NAV2: variants seen among roughly 807,000 people sequenced by gnomAD.
The protein encoded by NAV2 is helicase, APC down-regulated 1.
Under a neutral mutation model 223.2 loss-of-function variants are expected in NAV2, and 54 were observed. The observed-to-expected ratio is 0.24, with a 90% CI of 0.19 to 0.30. NAV2 has a LOEUF of 0.30. NAV2 is among the 10% of genes least tolerant of loss of function. The pLI is 1.00. For missense variants in NAV2, 2,806 were observed against 3,147.5 expected (o/e 0.89, Z 2.60); for synonymous variants, 1,279 against 1,239.3 (o/e 1.03, Z -0.67).
chr11:19,915,372 A>G (rs1175298489), intron 6 of NAV2, among the ~76,000 whole-genome samples: 2 of 151,606 alleles, frequency 1.3e-5, no homozygotes, highest in East Asian at 3.9e-4. Context: ...CCGAATCACC[A>G]TTTCTCCTCT....
At chr11:19,454,887 G>T (rs1438576556) in intron 1 of NAV2, among the ~76,000 whole-genome samples, 1 of 152,206 alleles carries the variant, frequency 6.6e-6, no homozygotes, top group East Asian at 1.9e-4. Context: ...TGTGTCTTCA[G>T]GGAGCAAAAA....
At chr11:19,455,686 T>C (rs1851935297) in intron 1 of NAV2, among the ~76,000 whole-genome samples, 1 of 152,198 alleles carries the variant, frequency 6.6e-6, no homozygotes, top group Non-Finnish European at 1.5e-5. Context: ...ATCCCAGAGC[T>C]AGGAAGTGGA....
At chr11:19,812,136 C>T (rs376437578) in intron 1 of NAV2, among the ~76,000 whole-genome samples, 1 of 150,226 alleles carries the variant, frequency 6.7e-6, no homozygotes, top group African/African-American at 2.4e-5. Flanking sequence ...ACAAATTGCA[C>T]GGCTAAGCTG....
At chr11:19,555,219 A>T (rs2044839454) in intron 1 of NAV2, among the ~76,000 whole-genome samples, 1 of 152,192 alleles carries the variant, frequency 6.6e-6, no homozygotes, top group South Asian at 2.1e-4. Context: ...GCAGAGGGAG[A>T]GGTGGAACCA....
chr11:19,409,171 T>G (rs116403620), intron 1 of NAV2, among the ~76,000 whole-genome samples: 131 of 152,256 alleles, frequency 8.6e-4, no homozygotes, highest in African/African-American at 2.9e-3. Flanking sequence ...AGCCAAGCCT[T>G]TGGGAAACTA....
At chr11:19,547,857 T>C (rs2044554324) in intron 1 of NAV2, among the ~76,000 whole-genome samples, 1 of 152,200 alleles carries the variant, frequency 6.6e-6, no homozygotes, top group African/African-American at 2.4e-5. Flanking sequence ...TGTTTCTGGG[T>C]TCCAATTCCA....
chr11:19,981,307 C>T (rs1408033185), intron 10 of NAV2: 1 of 152,136 alleles, frequency 6.6e-6, no homozygotes, highest in Non-Finnish European at 1.5e-5. Flanking sequence ...TTTTCTGATA[C>T]ATCCACGTTG....
intron 1 of NAV2, among the ~76,000 whole-genome samples, chr11:19,528,894 C>A (rs1364257861): frequency 7.3e-6 from 1 of 137,234 alleles, no homozygotes; most frequent in Non-Finnish European, 1.5e-5. Context: ...CATGCCACTG[C>A]ACTCCAGCCC....
At chr11:19,455,872 A>C (rs1413401133) in intron 1 of NAV2, among the ~76,000 whole-genome samples, 2 of 152,184 alleles carry the variant, frequency 1.3e-5, no homozygotes, top group African/African-American at 2.4e-5. Flanking sequence ...ACTGCATCAA[A>C]AGGCTGTGGA....
At chr11:20,085,440 ATGCTG>A (rs1335875252) in intron 26 of NAV2, among the ~76,000 whole-genome samples, 1 of 152,198 alleles carries the variant, frequency 6.6e-6, no homozygotes, top group East Asian at 1.9e-4. Flanking sequence ...CTAAGGGCTA[ATGCTG>A]TGAATTAAAA....
chr11:19,550,124 C>T (rs920131773), intron 1 of NAV2, among the ~76,000 whole-genome samples: 9 of 152,120 alleles, frequency 5.9e-5, no homozygotes, highest in Non-Finnish European at 1.3e-4. Flanking sequence ...TGTTCTAATA[C>T]CCGGAGGCAG....
intron 1 of NAV2, among the ~76,000 whole-genome samples, chr11:19,678,812 C>T (rs2048794335): frequency 6.6e-6 from 1 of 152,166 alleles, no homozygotes; most frequent in Non-Finnish European, 1.5e-5. Context: ...AACAGAGAAG[C>T]AGATCTTATT....
At chr11:19,831,228 G>GA (rs1343393170) in intron 1 of NAV2, among the ~76,000 whole-genome samples, 1 of 111,016 alleles carries the variant, frequency 9.0e-6, no homozygotes, top group East Asian at 2.6e-4. Flanking sequence ...TGTTGCGGGG[G>GA]GGGGGGGGGC....
At chr11:19,991,653 A>G (rs1017064989) in intron 11 of NAV2, among the ~76,000 whole-genome samples, 1 of 152,234 alleles carries the variant, frequency 6.6e-6, no homozygotes, top group Non-Finnish European at 1.5e-5. Flanking sequence ...TGATGTGCAA[A>G]AAAAGGTAAA....
At position 19,573,821 on chromosome 11, in the gene NAV2, C is replaced by G. The variant is rs1446282645; in HGVS notation, c.75+222794C>G. ...TGCTTTGCAGGGCTAGAAGGCCCAT[C>G]CCTCCTCACCTGCCTGTGTCTGTGG... On this transcript the variant is annotated intron_variant, in intron 1 of 37. Transcript: ENST00000360655. 2.6e-5 allele frequency among the ~76,000 whole-genome samples: 4 copies of G among 152,326 alleles called. No homozygotes were observed. The South Asian group carries it at 8.3e-4, about 32-fold the overall frequency.
chr11:19,820,249 G>T (rs969805250), intron 1 of NAV2, among the ~76,000 whole-genome samples: 2 of 152,248 alleles, frequency 1.3e-5, no homozygotes, highest in African/African-American at 4.8e-5. Flanking sequence ...TGTGCTTGCA[G>T]CTGCTCCCAA....
chr11:19,478,958 T>A (rs2042201857), intron 1 of NAV2, among the ~76,000 whole-genome samples: 2 of 152,196 alleles, frequency 1.3e-5, no homozygotes, highest in Admixed American at 1.3e-4. Context: ...ATTTTTAGCA[T>A]AGTTCCTAGC....
intron 1 of NAV2, among the ~76,000 whole-genome samples, chr11:19,368,033 C>T (rs1326104534): frequency 6.6e-6 from 1 of 152,176 alleles, no homozygotes; most frequent in Non-Finnish European, 1.5e-5. Context: ...TTAGATTTTC[C>T]CAAAGGCCAG....
intron 9 of NAV2, among the ~76,000 whole-genome samples, chr11:19,947,968 A>C (rs537786930): frequency 6.6e-6 from 1 of 152,324 alleles, no homozygotes; most frequent in African/African-American, 2.4e-5. Context: ...CCTTAGGAAA[A>C]GAAGGCTGTG....
Sources: allele counts gnomAD v4.1 joint callset (sites outside exome capture counted in the v4.1 genomes callset), GRCh38; gene constraint gnomAD v4.1.1; transcripts MANE v1.5; gene names NCBI Gene and HGNC (gene_info 2026-07-23, HGNC 2026-07-21).